HHLA2: variants seen among roughly 807,000 people sequenced by gnomAD.
The protein encoded by HHLA2 is HERV-H LTR-associating protein 2.
HHLA2 carries 48 observed loss-of-function variants against 45.9 expected under a neutral mutation model. That is an observed-to-expected ratio of 1.05 (90% CI 0.83 to 1.33). The LOEUF is 1.33. Ranked by LOEUF, HHLA2 falls within the 40% of genes most tolerant of loss-of-function variation. HHLA2 has a pLI of 0.00. For missense variants in HHLA2, 462 were observed against 494.3 expected (o/e 0.93, Z 0.62); for synonymous variants, 161 against 173.9 (o/e 0.93, Z 0.59).
chr3:108,336,957 T>C (rs1465416834), intron 3 of HHLA2, among the ~76,000 whole-genome samples: 1 of 151,266 alleles, frequency 6.6e-6, no homozygotes, highest in Non-Finnish European at 1.5e-5. Context: ...GCGCAAAATA[T>C]TTTCTCTCCA....
At chr3:108,365,349 G>T (rs1370149672) in intron 8 of HHLA2, among the ~76,000 whole-genome samples, 3 of 152,114 alleles carry the variant, frequency 2.0e-5, no homozygotes, top group Non-Finnish European at 4.4e-5. Flanking sequence ...CTGCTCCATT[G>T]GTCTATGTAT....
chr3:108,342,890 C>A lies in HHLA2; in HGVS notation c.-26-8898C>A, dbSNP rs111982153. On this transcript the variant is annotated intron_variant, in intron 3 of 10. Coordinates refer to ENST00000619531, the Ensembl canonical transcript of HHLA2. ...ACACCCTGCCCCTTCCAAGCTCAAGCGTCTTTCCTGTTTCCTTCCACAGCA... is the reference window on the plus strand; with the variant it reads ...ACACCCTGCCCCTTCCAAGCTCAAGAGTCTTTCCTGTTTCCTTCCACAGCA... 1.7e-3 allele frequency among the ~76,000 whole-genome samples: 260 copies of A among 152,248 alleles called. 2 individuals carry two copies. The highest frequency in any genetic ancestry group is 5.9e-3 in the African/African-American group (247 of 41,540).
At chr3:108,326,512 C>T (rs1360724912) in intron 2 of HHLA2, 1 of 152,192 alleles carries the variant, frequency 6.6e-6, no homozygotes, top group Non-Finnish European at 1.5e-5. Flanking sequence ...CCCACTGAGT[C>T]CCTTCCATAA....
chr3:108,377,343 C>G, exon 11 of HHLA2: 1 of 1,194,116 alleles, frequency 8.4e-7, no homozygotes, highest in Non-Finnish European at 1.2e-6. Context: ...TTCATCTCCC[C>G]TTTCTTCACC....
intron 5 of HHLA2, 45 bp downstream of exon 4, chr3:108,353,825 C>T: frequency 7.1e-7 from 1 of 1,401,308 alleles, no homozygotes; most frequent in Non-Finnish European, 9.8e-7. Flanking sequence ...TGACATCATT[C>T]CATGTTATTA....
chr3:108,371,419 A>G (rs1252058050), intron 8 of HHLA2, among the ~76,000 whole-genome samples: 5 of 152,240 alleles, frequency 3.3e-5, no homozygotes, highest in Non-Finnish European at 5.9e-5. Context: ...TGCATCAACT[A>G]ACGAGCAAAA....
intron 7 of HHLA2, among the ~76,000 whole-genome samples, chr3:108,358,532 A>G (rs1055437924): frequency 6.6e-5 from 10 of 152,212 alleles, no homozygotes; most frequent in African/African-American, 2.4e-4. Flanking sequence ...GGAAGTTACA[A>G]TCGGGGTCCT....
chr3:108,358,200 T>C, intron 7 of HHLA2, 39 bp downstream of exon 6: 2 of 1,455,414 alleles, frequency 1.4e-6, no homozygotes, highest in Non-Finnish European at 9.4e-7. Context: ...GTTTTGGCTG[T>C]AGCATTAGAG....
At chr3:108,363,863 C>A (rs767193387) in intron 8 of HHLA2, among the ~76,000 whole-genome samples, 1 of 152,082 alleles carries the variant, frequency 6.6e-6, no homozygotes, top group African/African-American at 2.4e-5. Flanking sequence ...TGGGAGCACC[C>A]GAATCACTAG....
intron 3 of HHLA2, among the ~76,000 whole-genome samples, chr3:108,345,363 CAT>C (rs988764651): frequency 1.4e-4 from 21 of 152,324 alleles, no homozygotes; most frequent in African/African-American, 3.4e-4. Context: ...CTAAGCAACA[CAT>C]GTGTGAAAAC....
At chr3:108,314,931 G>A (rs954849641) in intron 2 of HHLA2, among the ~76,000 whole-genome samples, 2 of 152,196 alleles carry the variant, frequency 1.3e-5, no homozygotes, top group Non-Finnish European at 2.9e-5. Context: ...AAAGAAGCCT[G>A]CCACTCTGAA....
intron 3 of HHLA2, among the ~76,000 whole-genome samples, chr3:108,345,381 T>G (rs1328855726): frequency 6.6e-6 from 1 of 152,166 alleles, no homozygotes; most frequent in Non-Finnish European, 1.5e-5. Context: ...AAAACTAAAT[T>G]GATAAAAGCA....
At chr3:108,357,756 C>T in intron 6 of HHLA2, 88 bp from the exon 6 acceptor site, 1 of 1,105,950 alleles carries the variant, frequency 9.0e-7, no homozygotes, top group Non-Finnish European at 1.3e-6. Context: ...GTATTAGTGC[C>T]TTTGTTCTCT....
chr3:108,330,692 C>A (rs952892064), intron 3 of HHLA2, among the ~76,000 whole-genome samples: 1 of 152,072 alleles, frequency 6.6e-6, no homozygotes, highest in African/African-American at 2.4e-5. Flanking sequence ...CTGCCAACAA[C>A]AAGTGAGCTT....
intron 1 of HHLA2, among the ~76,000 whole-genome samples, chr3:108,303,543 G>T (rs1379104): frequency 0.16 from 24,295 of 151,950 alleles, 3,251 homozygotes; most frequent in East Asian, 0.75. Flanking sequence ...GTGTACATAT[G>T]CTGGTCATTA....
At chr3:108,361,724 A>G (rs1278804729) in intron 7 of HHLA2, among the ~76,000 whole-genome samples, 1 of 152,048 alleles carries the variant, frequency 6.6e-6, no homozygotes, top group Non-Finnish European at 1.5e-5. Flanking sequence ...CCCCAGGGAT[A>G]AGGCGGGGGA....
intron 1 of HHLA2, among the ~76,000 whole-genome samples, chr3:108,299,667 A>G (rs925737725): frequency 4.6e-5 from 7 of 152,108 alleles, no homozygotes; most frequent in African/African-American, 1.7e-4. Context: ...ATTTGCTGAT[A>G]AGAGAGGAGG....
chr3:108,297,096 G>T (rs1258618999), intron 1 of HHLA2, among the ~76,000 whole-genome samples: 1 of 152,142 alleles, frequency 6.6e-6, no homozygotes, highest in Non-Finnish European at 1.5e-5. Context: ...AAGAAACTTA[G>T]AAGTCTCCTA....
In HHLA2 at chr3:108,313,910, G is replaced by A. The variant is rs183195874; in HGVS notation, c.-105+3169G>A. The stretch of plus-strand genomic sequence containing the variant: ...AGCATACATCTTTCAGGGTTATGAT[G>A]ACTTCATCAGACCCCTCCTTTTTGT... On this transcript the variant is annotated intron_variant, in intron 2 of 10. Coordinates refer to ENST00000619531, the Ensembl canonical transcript of HHLA2. 1.2e-3 allele frequency among the ~76,000 whole-genome samples: 183 copies of A among 152,262 alleles called. 2 individuals are homozygous for A. The highest frequency in any genetic ancestry group is 4.3e-3 in the African/African-American group (179 of 41,554).
Sources: allele counts gnomAD v4.1 joint callset (sites outside exome capture counted in the v4.1 genomes callset), GRCh38; gene constraint gnomAD v4.1.1; transcripts MANE v1.5; gene names NCBI Gene and HGNC (gene_info 2026-07-23, HGNC 2026-07-21).